The following AGRN variants were observed in gnomAD, a reference collection of about 807,000 sequenced individuals.
AGRN encodes the protein agrin proteoglycan.
AGRN carries 106 observed loss-of-function variants against 211.0 expected under a neutral mutation model. The observed-to-expected ratio is 0.50, with a 90% CI of 0.43 to 0.59. The LOEUF is 0.59. Ranked by LOEUF, AGRN falls within the 20% of genes least tolerant of loss-of-function variation. The pLI, the probability that AGRN is intolerant of heterozygous loss-of-function variation, is 0.00. For missense variants in AGRN, 3,040 were observed against 2,982.6 expected, an observed-to-expected ratio of 1.02 and a Z score of -0.45; for synonymous variants, 1,525 against 1,332.5, an observed-to-expected ratio of 1.14 and a Z score of -3.15.
intron 26 of AGRN, 41 bp from the exon 27 acceptor site, chr1:1,049,862 C>T (rs773782029): frequency 3.1e-6 from 5 of 1,611,592 alleles, no homozygotes; most frequent in East Asian, 2.2e-5. Context: ...CAACCGACGC[C>T]TCCTGGGACC....
chr1:1,040,723 G>T lies in AGRN; in HGVS notation c.570G>T (p.Pro190=). 1 of 1,546,566 alleles carries T rather than the reference G, an allele frequency of 6.5e-7. No homozygotes were observed. Among genetic ancestry groups the T allele is most frequent in the Non-Finnish European group, 8.7e-7 (1 of 1,147,128 alleles). The change falls in exon 4 of 36, where the codon CCG becomes CCT. Residue 190 remains proline (P), a synonymous_variant. Coordinates refer to ENST00000379370, the MANE Select transcript of AGRN (RefSeq NM_198576.4). ...GAVCEPNAEG[P]GRASCVCKKS... ...TGTGCGAGCCCAACGCGGAGGGGCCGGGCCGGGCGTCCTGCGTCTGCAAGA... is the reference window on the plus strand; with the variant it reads ...TGTGCGAGCCCAACGCGGAGGGGCCTGGCCGGGCGTCCTGCGTCTGCAAGA...
At chr1:1,034,064 C>G in intron 2 of AGRN, 4 of 948,226 alleles carry the variant, frequency 4.2e-6, no homozygotes, top group Non-Finnish European at 5.0e-6. Flanking sequence ...CCTCCGCAGG[C>G]GGCGCTTTCT....
intron 2 of AGRN, chr1:1,034,713 C>G (rs961509414): frequency 1.0e-6 from 1 of 996,808 alleles, no homozygotes; most frequent in Non-Finnish European, 1.2e-6. Flanking sequence ...TGTAGGTGGC[C>G]GCGGGCGGGG....
chr1:1,022,525 G>A, intron 2 of AGRN, 63 bp downstream of exon 2: 1 of 1,537,870 alleles, frequency 6.5e-7, no homozygotes, highest in South Asian at 1.2e-5. Flanking sequence ...AGGGGGACAG[G>A]TTGCAGGGGT....
rs963996421 is a variant in AGRN, at chr1:1,054,264, C to T, written c.5877-184C>T. 2.6e-5 allele frequency among the ~76,000 whole-genome samples: 4 copies of T among 152,352 alleles called. No homozygotes were observed. In the South Asian group the frequency reaches 8.3e-4, roughly 32 times the overall value. On this transcript the variant is annotated intron_variant, in intron 34 of 35. Transcript: ENST00000379370. The stretch of plus-strand genomic sequence containing the variant: ...AAAGCTTGAGCTGCAGGAATGTCCC[C>T]GGCCTTGGCTCCCAGTGCCCTCCTT...
intron 2 of AGRN, among the ~76,000 whole-genome samples, chr1:1,024,854 C>T (rs1644484957): frequency 6.6e-6 from 1 of 152,230 alleles, no homozygotes. Context: ...TCCCTCTGCG[C>T]CACCTTTGGG....
chr1:1,028,121 G>C (rs1644558919), intron 2 of AGRN, among the ~76,000 whole-genome samples: 1 of 152,140 alleles, frequency 6.6e-6, no homozygotes, highest in African/African-American at 2.4e-5. Context: ...GGCTTCCCAG[G>C]GAAGCCGGGA....
At chr1:1,024,173 C>T (rs1226057878) in intron 2 of AGRN, among the ~76,000 whole-genome samples, 5 of 152,056 alleles carry the variant, frequency 3.3e-5, no homozygotes, top group Non-Finnish European at 1.5e-5. Flanking sequence ...AGGGATATCT[C>T]GGGTGGCTGG....
In AGRN at chr1:1,022,284, C is replaced by T. The variant is rs185077738; in HGVS notation, c.285C>T (p.Ser95=). Residue 95 remains serine, a synonymous_variant, in exon 2 of 36, where the codon AGC becomes AGT. Coordinates refer to ENST00000379370, the MANE Select transcript of AGRN (RefSeq NM_198576.4). ...LLDGGNKVVI[S]GFGDPLICDN... ...ACGGCGGCAACAAGGTGGTGATCAG[C>T]GGCTTTGGAGACCCCCTCATCTGTG... 11 of 1,613,286 alleles carry T rather than the reference C, an allele frequency of 6.8e-6. No individual in the cohort carries two copies. Among genetic ancestry groups the T allele is most frequent in the African/African-American group, 4.0e-5 (3 of 75,042 alleles).
intron 2 of AGRN, among the ~76,000 whole-genome samples, chr1:1,024,869 G>A (rs571102627): frequency 2.2e-4 from 34 of 152,344 alleles, no homozygotes; most frequent in African/African-American, 7.0e-4. Flanking sequence ...TTTGGGCGGG[G>A]GAGGCCCGCT....
At chr1:1,043,160 A>G in intron 7 of AGRN, 79 bp from the exon 8 acceptor site, 16 of 1,452,344 alleles carry the variant, frequency 1.1e-5, no homozygotes, top group Non-Finnish European at 1.5e-5. Flanking sequence ...TGGAAGAGGG[A>G]CTGCTGCGTG....
At chr1:1,046,112 G>A (rs1422895133) in intron 16 of AGRN, 24 bp downstream of exon 16, 3 of 1,613,992 alleles carry the variant, frequency 1.9e-6, no homozygotes, top group African/African-American at 1.3e-5. Context: ...GATGTGAAGG[G>A]GAGTGGGGAG....
In AGRN at chr1:1,043,408, G is replaced by C; in HGVS notation, c.1554G>C (p.Thr518=). 6.2e-7 allele frequency: 1 copy of C among 1,608,298 alleles called. No homozygotes were observed. Among genetic ancestry groups the C allele is most frequent in the Non-Finnish European group, 8.5e-7 (1 of 1,178,384 alleles). ...TYGSACELEA[T]ACTLGREIQV... ...GCAGCGCGTGCGAGCTGGAGGCCAC[G>C]GCCTGTACCCTCGGGCGGGAGATCC... The change falls in exon 8 of 36, where the codon ACG becomes ACC. Residue 518 remains threonine (T), a synonymous_variant. Transcript: ENST00000379370.
Position 1,032,431 on chromosome 1 carries a change from G to A in AGRN, c.464-2846G>A, listed in dbSNP as rs1344885514. Among the ~76,000 whole-genome samples, 2 of 152,190 alleles carry A rather than the reference G, an allele frequency of 1.3e-5. No individual in the cohort carries two copies. The highest frequency in any genetic ancestry group is 2.9e-5 in the Non-Finnish European group (2 of 68,034). On this transcript the variant is annotated intron_variant, in intron 2 of 35. Transcript: ENST00000379370. This position sits in a 1 kb window ranked among gnomAD's most constrained non-coding sequence, Gnocchi z 4.7. ...TTGGAGGAGCCTGACCAGGAGGTGAGACAGGGCACCTGGAAGGAAGGAGGC... is the reference window on the plus strand; with the variant it reads ...TTGGAGGAGCCTGACCAGGAGGTGAAACAGGGCACCTGGAAGGAAGGAGGC...
intron 2 of AGRN, among the ~76,000 whole-genome samples, chr1:1,029,303 G>A (rs1003766747): frequency 1.3e-5 from 2 of 149,488 alleles, no homozygotes; most frequent in Non-Finnish European, 3.0e-5. Flanking sequence ...TGCCTTCCCA[G>A]TGTATGGGTG....
At chr1:1,051,177 GT>G in intron 30 of AGRN, 75 bp from the exon 31 acceptor site, 1 of 1,082,368 alleles carries the variant, frequency 9.2e-7, no homozygotes, top group African/African-American at 1.6e-5. Context: ...GGTGGGGCGG[GT>G]GCGTGCAGGT....
At chr1:1,049,494 T>G in intron 25 of AGRN, 43 bp downstream of exon 25, 2 of 1,599,654 alleles carry the variant, frequency 1.3e-6, no homozygotes, top group Non-Finnish European at 1.7e-6. Context: ...CCCGGCCCTT[T>G]GGGGTCCCGG....
In AGRN at chr1:1,034,297, C is replaced by T. The variant is rs926678787; in HGVS notation, c.464-980C>T. On this transcript the variant is annotated intron_variant, in intron 2 of 35. Coordinates refer to ENST00000379370, the MANE Select transcript of AGRN (RefSeq NM_198576.4). ...CAGGGGTGGCTGCGGGCTCCCAGTC[C>T]CTCCTCCGCCTACCTCGGAGCCCAC... 7 of 985,230 alleles carry T rather than the reference C, an allele frequency of 7.1e-6. No homozygotes were observed. The African/African-American group carries it at 1.2e-4, about 17-fold the overall frequency. 61.0% of individuals were successfully genotyped at this position (985,230 alleles called of 1,614,324 possible).
At chr1:1,053,628 C>A (rs1377501773) in intron 33 of AGRN, 125 bp from the exon 34 acceptor site, 1 of 1,488,826 alleles carries the variant, frequency 6.7e-7, no homozygotes, top group African/African-American at 1.4e-5. Context: ...GTCTGCCCAC[C>A]AGCCACCCCT....
Sources: gnomAD v4.1 joint callset for allele counts (sites outside exome capture counted in the v4.1 genomes callset) on GRCh38, gnomAD v4.1.1 for gene constraint, Gnocchi (gnomAD v3.1) non-coding constraint, MANE v1.5 for transcripts, NCBI Gene and HGNC (gene_info 2026-07-23, HGNC 2026-07-21) for gene names.